TTLL10: variants seen among roughly 807,000 people sequenced by gnomAD.
The protein encoded by TTLL10 is inactive polyglycylase TTLL10.
TTLL10 carries 61 observed loss-of-function variants against 69.0 expected under a neutral mutation model. The ratio of observed to expected loss-of-function variants is 0.88; its 90% CI spans 0.72 to 1.09. TTLL10 has a LOEUF of 1.09. Among genes scored for constraint, TTLL10 ranks in the 50% least tolerant of loss-of-function variants. The pLI is 0.00. For synonymous variants in TTLL10, 408 were observed against 393.3 expected (o/e 1.04, Z -0.44); for missense variants, 962 against 945.9 (o/e 1.02, Z -0.22).
chr1:1,190,727 C>CTT (rs1459352368), intron 13 of TTLL10, among the ~76,000 whole-genome samples: 1 of 152,080 alleles, frequency 6.6e-6, no homozygotes, highest in African/African-American at 2.4e-5. Context: ...AAGGTAGGTG[C>CTT]TTAGTGCTAT....
intron 7 of TTLL10, 53 bp from the exon 8 acceptor site, chr1:1,180,678 G>T: frequency 6.4e-7 from 1 of 1,568,906 alleles, no homozygotes; most frequent in Non-Finnish European, 8.6e-7. Context: ...TTGGAGGGGT[G>T]GGGACCGAGG....
chr1:1,180,637 A>C (rs1260683311), intron 7 of TTLL10, 36 bp downstream of exon 7: 1 of 1,552,816 alleles, frequency 6.4e-7, no homozygotes, highest in East Asian at 2.4e-5. Context: ...GGCAGCCTGC[A>C]GGGGCCTCCT....
intron 13 of TTLL10, 80 bp from the exon 14 acceptor site, chr1:1,196,520 A>ATGTGGC: frequency 9.6e-7 from 1 of 1,042,742 alleles, no homozygotes; most frequent in Non-Finnish European, 1.5e-6. Context: ...CAGGTGAGGG[A>ATGTGGC]TGTGGCTGTG....
intron 15 of TTLL10, 50 bp from the exon 16 acceptor site, chr1:1,197,388 C>T (rs1557493633): frequency 8.8e-7 from 1 of 1,138,624 alleles, no homozygotes. Context: ...CCACCCCCTC[C>T]AGCCCCAGCC....
chr1:1,188,405 A>ATTTT (rs57122719), intron 13 of TTLL10, among the ~76,000 whole-genome samples: 12 of 140,388 alleles, frequency 8.5e-5, no homozygotes, highest in East Asian at 6.3e-4. Context: ...GTCCAATGAA[A>ATTTT]TTTTTTTTTT....
intron 14 of TTLL10, 35 bp from the exon 15 acceptor site, chr1:1,197,058 C>T (rs573050833): frequency 8.0e-5 from 123 of 1,546,156 alleles, no homozygotes; most frequent in East Asian, 1.7e-4. Flanking sequence ...CCAGTGGGCT[C>T]GGGGTGAGGA....
chr1:1,183,038 T>TGGTGCAGAGGTGCGGCGGC lies in TTLL10; in HGVS notation c.1082_1088+12dup, dbSNP rs1647127270. 1 of 1,604,708 alleles carries TGGTGCAGAGGTGCGGCGGC rather than the reference T, an allele frequency of 6.2e-7. No homozygotes were observed. Among genetic ancestry groups the TGGTGCAGAGGTGCGGCGGC allele is most frequent in the Non-Finnish European group, 8.5e-7 (1 of 1,176,450 alleles). On this transcript the variant is annotated frameshift_variant, in exon 11 of 16. Coordinates refer to ENST00000379289, the MANE Select transcript of TTLL10 (RefSeq NM_001130045.2). LOFTEE classifies it high-confidence loss of function. ...CCGTTCCGGGGGCCTCAGGCGCGGG[T>TGGTGCAGAGGTGCGGCGGC]GGTGCAGAGGTGCGGCGGCGGGTGC...
Position 1,185,353 on chromosome 1 carries a change from G to A in TTLL10, c.1401+244G>A, listed in dbSNP as rs755430670. On this transcript the variant is annotated intron_variant, in intron 13 of 15. Coordinates refer to ENST00000379289, the MANE Select transcript of TTLL10 (RefSeq NM_001130045.2). This position sits in a 1 kb window ranked among gnomAD's most constrained non-coding sequence, Gnocchi z 6.1. ...TCGGGGGTCTGTCGGCACGAGTCCC[G>A]CGGGCAGCCTCGCCGTAGGGTCAGG... 215 of 1,358,464 alleles carry A rather than the reference G, an allele frequency of 1.6e-4. No individual in the cohort carries two copies. In the East Asian group the frequency reaches 1.8e-3, roughly 12 times the overall value. 84.2% of individuals were successfully genotyped at this position (1,358,464 alleles called of 1,614,324 possible).
chr1:1,183,481 C>T (rs2100882442), intron 11 of TTLL10, among the ~76,000 whole-genome samples: 1 of 152,272 alleles, frequency 6.6e-6, no homozygotes, highest in Admixed American at 6.5e-5. Context: ...GACCTCACCC[C>T]CGGCCCTCGT....
intron 13 of TTLL10, among the ~76,000 whole-genome samples, chr1:1,186,234 G>T (rs1647307737): frequency 1.3e-5 from 2 of 152,090 alleles, no homozygotes; most frequent in South Asian, 4.1e-4. Context: ...AACTACAAGT[G>T]CCCGCCACCA....
Position 1,181,120 on chromosome 1 carries a change from A to T in TTLL10, c.755+260A>T, listed in dbSNP as rs1486045265. Among the ~76,000 whole-genome samples the T allele has an allele frequency of 1.4e-5, 2 of 140,092 alleles. No individual in the cohort carries two copies. Among genetic ancestry groups the T allele is most frequent in the Admixed American group, 1.4e-4 (2 of 13,854 alleles). 91.9% of individuals were successfully genotyped at this position (140,092 alleles called of 152,430 possible). On this transcript the variant is annotated intron_variant, in intron 8 of 15. Coordinates refer to ENST00000379289, the MANE Select transcript of TTLL10 (RefSeq NM_001130045.2). The surrounding 1 kb of genome is among the most constrained non-coding windows in gnomAD (Gnocchi z 4.6). ...CCTTCCACCTGTCCTTTAAAGGGCCAAACCCCTGTCCCATAAACCCACCCT... is the reference window on the plus strand; with the variant it reads ...CCTTCCACCTGTCCTTTAAAGGGCCTAACCCCTGTCCCATAAACCCACCCT...
intron 5 of TTLL10, 93 bp downstream of exon 5, chr1:1,179,830 G>A (rs11260546): frequency 0.15 from 217,759 of 1,460,162 alleles, 23,895 homozygotes; most frequent in East Asian, 0.6. Context: ...GGCCCTGGAG[G>A]GTGGTCACGG....
chr1:1,181,787 A>C lies in TTLL10; in HGVS notation c.802A>C (p.Thr268Pro), dbSNP rs1358019262. ...AAPALEDLPW[T>P]SPGYLRPQRV... Reference sequence around the variant, plus strand: ...GCCCGCCCTGGAGGACCTCCCGTGGACAAGCCCAGGATACCTCAGGCCACA... The same window carrying C: ...GCCCGCCCTGGAGGACCTCCCGTGGCCAAGCCCAGGATACCTCAGGCCACA... Residue 268 changes from threonine to proline, a missense_variant, in exon 9 of 16, where the codon ACA (threonine) becomes CCA (proline). Coordinates refer to ENST00000379289, the MANE Select transcript of TTLL10 (RefSeq NM_001130045.2). The surrounding 1 kb of genome is among the most constrained non-coding windows in gnomAD (Gnocchi z 4.6). 7 of 1,609,504 alleles carry C rather than the reference A, an allele frequency of 4.3e-6. No homozygotes were observed. In the East Asian group the frequency reaches 1.6e-4, roughly 36 times the overall value.
chr1:1,174,444 C>T lies in TTLL10; in HGVS notation c.-73C>T, dbSNP rs1424290894. On this transcript the variant is annotated 5_prime_UTR_variant, in exon 3 of 16. Transcript: ENST00000379289. ...TTCAGGTTTAAAAGTCTCTTCTGTT[C>T]ATCCTACCGGGGTGCCGTCTCCTGC... The T allele has an allele frequency of 6.6e-6, 1 of 152,490 alleles. No individual in the cohort carries two copies. The highest frequency in any genetic ancestry group is 1.5e-5 in the Non-Finnish European group (1 of 68,046). The allele number at this position is 152,490 out of a possible 1,614,324, so 9.4% of individuals were successfully genotyped here. A position where few individuals can be genotyped will look rare whatever the true frequency, so the allele number is the denominator to read the frequency against.
chr1:1,185,566 T>C lies in TTLL10; in HGVS notation c.1401+457T>C. ...GGTGGAGTGTCCTAATTTTGCAGGG[T>C]TCCTTTCTGTGGGGGTACCTGTGGG... On this transcript the variant is annotated intron_variant, in intron 13 of 15. Coordinates refer to ENST00000379289, the MANE Select transcript of TTLL10 (RefSeq NM_001130045.2). The surrounding 1 kb of genome is among the most constrained non-coding windows in gnomAD (Gnocchi z 6.1). The C allele has an allele frequency of 1.0e-6, 1 of 993,068 alleles. No homozygotes were observed. The highest frequency in any genetic ancestry group is 4.6e-5 in the South Asian group (1 of 21,634). 61.5% of individuals were successfully genotyped at this position (993,068 alleles called of 1,614,324 possible). A position where few individuals can be genotyped will look rare whatever the true frequency, so the allele number is the denominator to read the frequency against.
At chr1:1,188,135 T>G (rs1481030127) in intron 13 of TTLL10, among the ~76,000 whole-genome samples, 2 of 150,354 alleles carry the variant, frequency 1.3e-5, no homozygotes. Context: ...GGTCCTGGCA[T>G]AGTATCAAAA....
At chr1:1,195,494 G>A (rs893448616) in intron 13 of TTLL10, among the ~76,000 whole-genome samples, 2 of 89,486 alleles carry the variant, frequency 2.2e-5, no homozygotes, top group East Asian at 1.2e-3. Flanking sequence ...AGACATCATC[G>A]TCATACTTTT....
At position 1,180,251 on chromosome 1, in the gene TTLL10, G is replaced by C; in HGVS notation, c.417G>C (p.Glu139Asp). 1.1e-5 allele frequency: 18 copies of C among 1,603,694 alleles called. No individual in the cohort carries two copies. The highest frequency in any genetic ancestry group is 1.4e-5 in the Non-Finnish European group (17 of 1,176,172). The stretch of plus-strand genomic sequence containing the variant: ...CCGGGCCCTCAGCTGCCCTCCTGGA[G>C]GGGCTCCTGCTGGGGGGTGGGAAGC... ...NAAGPSAALLEGLLLGGGKPS... is the reference protein window; with the variant it reads ...NAAGPSAALLDGLLLGGGKPS... The change falls in exon 6 of 16, where the codon GAG becomes GAC. Residue 139 changes from glutamate (E) to aspartate (D), a missense_variant. Transcript: ENST00000379289.
At position 1,180,492 on chromosome 1, in the gene TTLL10, C is replaced by T; in HGVS notation, c.516C>T (p.Ser172=). Reference sequence around the variant, plus strand: ...CCCCCACCCCTCGCAGCATCAGCTCCTACTGCAAAAGCAAGGGCTGGCAGC... The same window carrying T: ...CCCCCACCCCTCGCAGCATCAGCTCTTACTGCAAAAGCAAGGGCTGGCAGC... ...GGSNGATIIS[S]YCKSKGWQRI... Residue 172 remains serine (S), a synonymous_variant, in exon 7 of 16, where the codon TCC becomes TCT. Coordinates refer to ENST00000379289, the MANE Select transcript of TTLL10 (RefSeq NM_001130045.2). 1.3e-6 allele frequency: 2 copies of T among 1,551,726 alleles called. No homozygotes were observed. Among genetic ancestry groups the T allele is most frequent in the South Asian group, 1.2e-5 (1 of 84,156 alleles).
Sources: allele counts gnomAD v4.1 joint callset (sites outside exome capture counted in the v4.1 genomes callset), GRCh38; gene constraint gnomAD v4.1.1; non-coding constraint Gnocchi (gnomAD v3.1); transcripts MANE v1.5; gene names NCBI Gene and HGNC (gene_info 2026-07-23, HGNC 2026-07-21).